The following RTN4 variants were observed in gnomAD, a reference collection of about 807,000 sequenced individuals.
The protein encoded by RTN4 is reticulon-4.
RTN4 carries 32 observed loss-of-function variants against 90.4 expected under a neutral mutation model. The observed-to-expected ratio is 0.35, with a 90% CI of 0.27 to 0.48. The LOEUF (loss-of-function observed/expected upper bound fraction) is 0.48. Among genes scored for constraint, RTN4 ranks in the 20% least tolerant of loss-of-function variants. The probability of loss-of-function intolerance (pLI) is 0.99; values close to 1 mark genes in which losing one functional copy is unlikely to be tolerated. For missense variants in RTN4, 1,706 were observed against 1,430.2 expected, an observed-to-expected ratio of 1.19 and a Z score of -3.11; for synonymous variants, 629 against 552.5, an observed-to-expected ratio of 1.14 and a Z score of -1.94.
intron 2 of RTN4, among the ~76,000 whole-genome samples, chr2:55,072,576 G>C (rs1214507605): frequency 1.3e-5 from 2 of 152,122 alleles, no homozygotes; most frequent in Non-Finnish European, 2.9e-5. Flanking sequence ...GAAGCTTCTG[G>C]ATCGAGGGGC....
intron 1 of RTN4, among the ~76,000 whole-genome samples, chr2:55,031,832 T>C (rs1168094018): frequency 6.6e-6 from 1 of 152,184 alleles, no homozygotes; most frequent in Non-Finnish European, 1.5e-5. Flanking sequence ...GCCTAAACTA[T>C]TTACTCTAAC....
At chr2:54,977,238 TGG>T in intron 5 of RTN4, among the ~76,000 whole-genome samples, 1 of 152,200 alleles carries the variant, frequency 6.6e-6, no homozygotes, top group African/African-American at 2.4e-5. Flanking sequence ...ATTCATTAGT[TGG>T]TAGTTTGGAC....
chr2:55,022,974 C>G (rs1387524203), intron 3 of RTN4, among the ~76,000 whole-genome samples: 1 of 148,856 alleles, frequency 6.7e-6, no homozygotes, highest in Non-Finnish European at 1.5e-5. Flanking sequence ...CTACTTTGAC[C>G]ACAATCTCCT....
intron 5 of RTN4, among the ~76,000 whole-genome samples, chr2:54,976,617 GC>G (rs1677656313): frequency 6.6e-6 from 1 of 152,094 alleles, no homozygotes; most frequent in Non-Finnish European, 1.5e-5. Flanking sequence ...GAATACTTCG[GC>G]GGCCCAAAAC....
rs370446381 is a variant in RTN4 at position 55,025,373 on chromosome 2, G to A, written c.2726C>T (p.Ser909Leu). The A allele has an allele frequency of 5.1e-5, 83 of 1,613,832 alleles. 3 individuals carry two copies. In the Middle Eastern group the frequency reaches 4.9e-3, roughly 96 times the overall value. The change falls in exon 3 of 9, where the codon TCA becomes TTA. Residue 909 changes from serine (S) to leucine (L), a missense_variant. Transcript: ENST00000337526. ...ATGGGGCAATTCTGTGCAAGGCAAT[G>A]ACCCAGCTCCATCCGGGGCATTAGC... ...EIANAPDGAG[S>L]LPCTELPHDL...
chr2:54,986,634 G>A (rs1351420566), intron 4 of RTN4, among the ~76,000 whole-genome samples: 1 of 152,204 alleles, frequency 6.6e-6, no homozygotes, highest in Non-Finnish European at 1.5e-5. Flanking sequence ...ACAGGAGCCT[G>A]AAAACTAGCA....
upstream of RTN4, among the ~76,000 whole-genome samples, chr2:55,114,940 T>A (rs773236335): frequency 5.9e-5 from 9 of 152,070 alleles, no homozygotes; most frequent in Non-Finnish European, 1.2e-4. Context: ...TTATTAACTG[T>A]TACCACCATT....
At chr2:55,108,377 A>C (rs906200697) in intron 1 of RTN4, among the ~76,000 whole-genome samples, 1 of 152,048 alleles carries the variant, frequency 6.6e-6, no homozygotes, top group African/African-American at 2.4e-5. Context: ...TAGTTACTTG[A>C]GTGCTCATCT....
chr2:55,023,612 A>C (rs1428513230), intron 3 of RTN4, among the ~76,000 whole-genome samples: 1 of 152,014 alleles, frequency 6.6e-6, no homozygotes, highest in Non-Finnish European at 1.5e-5. Flanking sequence ...CAGCACCTGT[A>C]ATCAGATTTT....
chr2:55,036,973 T>G (rs187598273), intron 1 of RTN4, among the ~76,000 whole-genome samples: 1 of 152,280 alleles, frequency 6.6e-6, no homozygotes, highest in East Asian at 1.9e-4. Flanking sequence ...CAGGACTGTA[T>G]AGTTGGAAAA....
chr2:55,071,077 T>C (rs1668504206), intron 2 of RTN4, among the ~76,000 whole-genome samples: 1 of 151,492 alleles, frequency 6.6e-6, no homozygotes. Context: ...CGCCCTGCCT[T>C]TTTTTTCTTC....
At chr2:55,084,293 T>TC (rs895935132) in intron 1 of RTN4, among the ~76,000 whole-genome samples, 4 of 144,986 alleles carry the variant, frequency 2.8e-5, no homozygotes, top group African/African-American at 1.0e-4. Flanking sequence ...CTGAGTTGCA[T>TC]CCCCCCTGCC....
chr2:55,129,908 C>T, the RTN4 span, among the ~76,000 whole-genome samples: 5 of 152,162 alleles, frequency 3.3e-5, no homozygotes, highest in African/African-American at 4.8e-5. Flanking sequence ...ATTAGAAAGA[C>T]TAAAAATGCC....
At chr2:55,133,557 C>A in the RTN4 span, among the ~76,000 whole-genome samples, 2 of 152,200 alleles carry the variant, frequency 1.3e-5, no homozygotes, top group East Asian at 1.9e-4. Flanking sequence ...TCCGTTAGAA[C>A]TACTGTTCCT....
intron 3 of RTN4, among the ~76,000 whole-genome samples, chr2:54,997,276 TA>T (rs1464723303): frequency 6.6e-6 from 1 of 152,276 alleles, no homozygotes; most frequent in East Asian, 1.9e-4. Flanking sequence ...ATTTAGTCAT[TA>T]TAAAAATGCA....
chr2:55,036,671 T>G (rs1682714043), intron 1 of RTN4, among the ~76,000 whole-genome samples: 1 of 149,498 alleles, frequency 6.7e-6, no homozygotes, highest in Admixed American at 6.7e-5. Context: ...TGAAATTCAC[T>G]ATAGTAACAA....
At chr2:55,132,896 G>GTTT in the RTN4 span, among the ~76,000 whole-genome samples, 3 of 69,556 alleles carry the variant, frequency 4.3e-5, no homozygotes, top group South Asian at 4.1e-4. Context: ...TTTTGTTGTT[G>GTTT]TTTTTTTTAA....
the RTN4 span, among the ~76,000 whole-genome samples, chr2:55,123,499 G>A: frequency 6.6e-6 from 1 of 152,138 alleles, no homozygotes; most frequent in South Asian, 2.1e-4. Context: ...TTGAGATCTT[G>A]TATTTGCCAA....
At position 55,050,021 on chromosome 2, in the gene RTN4, G is replaced by C; in HGVS notation, c.280C>G (p.Leu94Val). The change falls in exon 1 of 9, where the codon CTG (leucine) becomes GTG (valine). Residue 94 changes from leucine to valine, a missense_variant. Physicochemically the swap from Leu to Val is conservative, Grantham distance 32. Coordinates refer to ENST00000337526, the MANE Select transcript of RTN4 (RefSeq NM_020532.5). This position sits in a 1 kb window ranked among gnomAD's most constrained non-coding sequence, Gnocchi z 4.6. ...GGGGCGACGGGGGGAGCGGCCGGCA[G>C]GGGTCCCCGGGGCGCCGGCGGCACG... ...DFVPPAPRGP[L>V]PAAPPVAPER... The C allele has an allele frequency of 7.2e-7, 1 of 1,388,296 alleles. No individual in the cohort carries two copies. The highest frequency in any genetic ancestry group is 9.3e-7 in the Non-Finnish European group (1 of 1,078,424). The allele number at this position is 1,388,296 out of a possible 1,614,324, so 86.0% of individuals were successfully genotyped here. A position where few individuals can be genotyped will look rare whatever the true frequency, so the allele number is the denominator to read the frequency against.
Sources: allele counts gnomAD v4.1 joint callset (sites outside exome capture counted in the v4.1 genomes callset), GRCh38; gene constraint gnomAD v4.1.1; non-coding constraint Gnocchi (gnomAD v3.1); transcripts MANE v1.5; gene names NCBI Gene and HGNC (gene_info 2026-07-23, HGNC 2026-07-21).